The following NXPH1 variants were observed in gnomAD, a reference collection of about 807,000 sequenced individuals.
The protein encoded by NXPH1 is neurexophilin 1.
A neutral mutation model predicts 23.7 loss-of-function variants in NXPH1; 5 were observed. The ratio of observed to expected loss-of-function variants is 0.21; its 90% CI spans 0.11 to 0.44. NXPH1 has a LOEUF of 0.44. NXPH1 is among the 20% of genes least tolerant of loss of function. NXPH1 has a pLI of 0.99. For missense variants in NXPH1, 324 were observed against 321.6 expected, an observed-to-expected ratio of 1.01 and a Z score of -0.06; for synonymous variants, 144 against 122.2, an observed-to-expected ratio of 1.18 and a Z score of -1.18.
At chr7:8,521,924 G>C (rs1817778410) in intron 2 of NXPH1, among the ~76,000 whole-genome samples, 1 of 152,170 alleles carries the variant, frequency 6.6e-6, no homozygotes, top group South Asian at 2.1e-4. Flanking sequence ...GATAGCCTGA[G>C]AAGAAGACAA....
At chr7:8,635,960 T>C (rs748939189) in intron 2 of NXPH1, among the ~76,000 whole-genome samples, 4 of 152,176 alleles carry the variant, frequency 2.6e-5, no homozygotes, top group Non-Finnish European at 5.9e-5. Flanking sequence ...CCAGGAAATA[T>C]GATGCTTAAA....
intron 2 of NXPH1, among the ~76,000 whole-genome samples, chr7:8,465,110 A>C (rs1450322395): frequency 2.0e-5 from 3 of 152,232 alleles, no homozygotes; most frequent in African/African-American, 7.2e-5. Context: ...GGACTTAGAA[A>C]GGACAACAGG....
chr7:8,532,809 G>A (rs1334099548), intron 2 of NXPH1, among the ~76,000 whole-genome samples: 2 of 151,966 alleles, frequency 1.3e-5, no homozygotes, highest in African/African-American at 2.4e-5. Flanking sequence ...TTATACCTCC[G>A]TTTTCTCATT....
intron 2 of NXPH1, among the ~76,000 whole-genome samples, chr7:8,552,305 C>T (rs1486553118): frequency 6.6e-6 from 1 of 151,222 alleles, no homozygotes; most frequent in Admixed American, 6.6e-5. Context: ...ATTATAGAGG[C>T]CTGATGGGAT....
chr7:8,636,134 T>C (rs1425933323), intron 2 of NXPH1, among the ~76,000 whole-genome samples: 1 of 152,216 alleles, frequency 6.6e-6, no homozygotes, highest in East Asian at 1.9e-4. Flanking sequence ...GCTTCATTTA[T>C]ACCCTGAAAA....
intron 2 of NXPH1, among the ~76,000 whole-genome samples, chr7:8,731,449 GT>G (rs1307595822): frequency 6.6e-6 from 1 of 152,268 alleles, no homozygotes; most frequent in Non-Finnish European, 1.5e-5. Context: ...TTTCTGCTCT[GT>G]TTTTTCCCCA....
At chr7:8,679,353 T>C (rs966269435) in intron 2 of NXPH1, among the ~76,000 whole-genome samples, 1 of 152,186 alleles carries the variant, frequency 6.6e-6, no homozygotes, top group African/African-American at 2.4e-5. Context: ...GCTAGACAAA[T>C]ATAATTTCAA....
chr7:8,634,287 C>T (rs1423579518), intron 2 of NXPH1, among the ~76,000 whole-genome samples: 1 of 152,142 alleles, frequency 6.6e-6, no homozygotes, highest in African/African-American at 2.4e-5. Flanking sequence ...GGCGGTTCCC[C>T]TGCACATGTT....
chr7:8,597,326 G>C (rs1305031181), intron 2 of NXPH1, among the ~76,000 whole-genome samples: 1 of 152,028 alleles, frequency 6.6e-6, no homozygotes, highest in Non-Finnish European at 1.5e-5. Context: ...GTGGACAGAC[G>C]TGGTGGCTGG....
chr7:8,449,983 G>T (rs2158590), intron 2 of NXPH1, among the ~76,000 whole-genome samples: 232 of 152,174 alleles, frequency 1.5e-3, no homozygotes, highest in African/African-American at 5.2e-3. Flanking sequence ...AAGCATTTTA[G>T]GAAGTCTGCA....
At chr7:8,717,892 G>GTATATATATATA (rs1408074927) in intron 2 of NXPH1, among the ~76,000 whole-genome samples, 2 of 68,332 alleles carry the variant, frequency 2.9e-5, no homozygotes, top group African/African-American at 2.2e-4. Context: ...TTCTCTCTGT[G>GTATATATATATA]TGTATATATA....
At chr7:8,659,734 CAAA>C (rs1295800928) in intron 2 of NXPH1, among the ~76,000 whole-genome samples, 1 of 152,006 alleles carries the variant, frequency 6.6e-6, no homozygotes, top group Non-Finnish European at 1.5e-5. Context: ...AGTATAATAA[CAAA>C]AAATAATAAT....
intron 2 of NXPH1, among the ~76,000 whole-genome samples, chr7:8,521,090 T>C (rs1817763596): frequency 6.6e-6 from 1 of 152,120 alleles, no homozygotes; most frequent in Admixed American, 6.6e-5. Context: ...CATCAATAAA[T>C]ACTTCCTAGG....
At chr7:8,744,030 T>C (rs904466851) in intron 2 of NXPH1, among the ~76,000 whole-genome samples, 1 of 152,174 alleles carries the variant, frequency 6.6e-6, no homozygotes, top group Non-Finnish European at 1.5e-5. Context: ...CATCCAATGG[T>C]GGTTTTTTCT....
chr7:8,683,308 A>G (rs1177841202), intron 2 of NXPH1, among the ~76,000 whole-genome samples: 1 of 152,218 alleles, frequency 6.6e-6, no homozygotes, highest in African/African-American at 2.4e-5. Context: ...CTCACTTCCA[A>G]CATTGGAGAT....
chr7:8,631,177 T>C (rs747627567), intron 2 of NXPH1, among the ~76,000 whole-genome samples: 32 of 152,214 alleles, frequency 2.1e-4, no homozygotes, highest in Admixed American at 3.9e-4. Flanking sequence ...CAGTCTATCA[T>C]TGATGGGCAT....
intron 2 of NXPH1, among the ~76,000 whole-genome samples, chr7:8,453,518 T>TTTTC (rs1816541526): frequency 6.6e-6 from 1 of 152,140 alleles, no homozygotes; most frequent in African/African-American, 2.4e-5. Context: ...TACTCATGAG[T>TTTTC]TGTAAAGAAC....
intron 2 of NXPH1, among the ~76,000 whole-genome samples, chr7:8,474,841 T>G (rs2128608952): frequency 6.6e-6 from 1 of 152,246 alleles, no homozygotes. Context: ...TGGCTTTTTC[T>G]TCCCTCTCAC....
intron 2 of NXPH1, among the ~76,000 whole-genome samples, chr7:8,585,454 G>T (rs1361235731): frequency 6.6e-6 from 1 of 152,164 alleles, no homozygotes; most frequent in Non-Finnish European, 1.5e-5. Flanking sequence ...AGTGTAACTT[G>T]ATATAATCAT....
Sources: allele counts gnomAD v4.1 joint callset (sites outside exome capture counted in the v4.1 genomes callset), GRCh38; gene constraint gnomAD v4.1.1; transcripts MANE v1.5; gene names NCBI Gene and HGNC (gene_info 2026-07-23, HGNC 2026-07-21).